Variants in GAP43 observed in about 807,000 individuals in gnomAD.
GAP43 encodes the protein growth associated protein 43, also known as neuromodulin.
Under a neutral mutation model 18.6 loss-of-function variants are expected in GAP43, and 6 were observed. That is an observed-to-expected ratio of 0.32 (90% confidence interval 0.18 to 0.64). The LOEUF is 0.64. Among genes scored for constraint, GAP43 ranks in the 30% least tolerant of loss-of-function variants. The pLI, the probability that GAP43 is intolerant of heterozygous loss-of-function variation, is 0.78. For synonymous variants in GAP43, 115 were observed against 111.4 expected, an observed-to-expected ratio of 1.03 and a Z score of -0.20; for missense variants, 292 against 295.5, an observed-to-expected ratio of 0.99 and a Z score of 0.09.
chr3:115,652,587 T>C (rs1299673953), intron 1 of GAP43, among the ~76,000 whole-genome samples: 2 of 151,982 alleles, frequency 1.3e-5, no homozygotes, highest in Non-Finnish European at 2.9e-5. Flanking sequence ...AGGTTCTTGC[T>C]CTTGCCCAGG....
At chr3:115,687,821 T>G (rs1371011637) in intron 2 of GAP43, among the ~76,000 whole-genome samples, 5 of 152,190 alleles carry the variant, frequency 3.3e-5, no homozygotes, top group African/African-American at 1.2e-4. Context: ...TCTTCAATCT[T>G]GGCAAGATTA....
chr3:115,683,131 G>GTGCA (rs1708978963), intron 2 of GAP43, among the ~76,000 whole-genome samples: 1 of 97,420 alleles, frequency 1.0e-5, no homozygotes, highest in Non-Finnish European at 2.3e-5. Flanking sequence ...ATGTGCGCGC[G>GTGCA]CGTGCGCGCG....
chr3:115,676,232 G>T lies in GAP43; in HGVS notation c.250G>T (p.Gly84Cys). 6.2e-7 allele frequency: 1 copy of T among 1,614,168 alleles called. No individual in the cohort carries two copies. Among genetic ancestry groups the T allele is most frequent in the South Asian group, 1.1e-5 (1 of 91,084 alleles). The change falls in exon 2 of 3, where the codon GGC becomes TGC. Residue 84 changes from glycine (G) to cysteine (C), a missense_variant. By Grantham distance (159) the Gly-to-Cys change is radical. Coordinates refer to ENST00000305124, the MANE Select transcript of GAP43 (RefSeq NM_002045.4). ...CGATGGGGTGGAGAAGAAGGGAGAAGGCACCACTACTGCCGAAGCAGCCCC... is the reference window on the plus strand; with the variant it reads ...CGATGGGGTGGAGAAGAAGGGAGAATGCACCACTACTGCCGAAGCAGCCCC... ...VADGVEKKGEGTTTAEAAPAT... is the reference protein window; with the variant it reads ...VADGVEKKGECTTTAEAAPAT...
chr3:115,712,153 G>GT (rs570347231), intron 2 of GAP43, among the ~76,000 whole-genome samples: 1 of 152,076 alleles, frequency 6.6e-6, no homozygotes, highest in Admixed American at 6.5e-5. Context: ...ATATCTCTGG[G>GT]TTTTTTCTCC....
At chr3:115,716,938 T>C (rs1417076981) in intron 2 of GAP43, among the ~76,000 whole-genome samples, 2 of 151,840 alleles carry the variant, frequency 1.3e-5, no homozygotes, top group Admixed American at 6.6e-5. Flanking sequence ...TAAAACCCTA[T>C]GGACTCTAGC....
intron 2 of GAP43, among the ~76,000 whole-genome samples, chr3:115,717,117 G>A (rs1294384427): frequency 1.3e-5 from 2 of 151,994 alleles, no homozygotes; most frequent in East Asian, 3.9e-4. Context: ...CCTGTAAAAT[G>A]AGGCTGTCCA....
intron 1 of GAP43, among the ~76,000 whole-genome samples, chr3:115,637,736 T>C (rs1223420518): frequency 1.3e-5 from 2 of 151,926 alleles, no homozygotes; most frequent in African/African-American, 2.4e-5. Context: ...TACTGTCTAC[T>C]GGAAATATTT....
intron 2 of GAP43, among the ~76,000 whole-genome samples, chr3:115,685,535 A>G (rs1428845579): frequency 6.6e-6 from 1 of 152,224 alleles, no homozygotes; most frequent in African/African-American, 2.4e-5. Context: ...CCATTCCTTA[A>G]TGCAAACATA....
chr3:115,636,523 A>G (rs1708332898), intron 1 of GAP43, among the ~76,000 whole-genome samples: 1 of 152,056 alleles, frequency 6.6e-6, no homozygotes, highest in African/African-American at 2.4e-5. Flanking sequence ...CCAGTTATAT[A>G]CCATCCTTGG....
At chr3:115,657,637 T>C (rs892211890) in intron 1 of GAP43, among the ~76,000 whole-genome samples, 2 of 152,140 alleles carry the variant, frequency 1.3e-5, no homozygotes, top group Non-Finnish European at 2.9e-5. Flanking sequence ...GTTAATAATC[T>C]TATGTGATGA....
intron 2 of GAP43, among the ~76,000 whole-genome samples, chr3:115,692,031 G>C (rs567261625): frequency 1.3e-5 from 2 of 152,152 alleles, no homozygotes; most frequent in Non-Finnish European, 2.9e-5. Flanking sequence ...GCTTCAGGAG[G>C]GTTCTTTCAT....
At chr3:115,645,364 C>T (rs1016704758) in intron 1 of GAP43, among the ~76,000 whole-genome samples, 1 of 151,970 alleles carries the variant, frequency 6.6e-6, no homozygotes, top group Admixed American at 6.6e-5. Flanking sequence ...TTAGCCTTCA[C>T]TTGAAGTAGT....
chr3:115,704,360 C>T (rs1178686115), intron 2 of GAP43, among the ~76,000 whole-genome samples: 1 of 151,964 alleles, frequency 6.6e-6, no homozygotes, highest in Non-Finnish European at 1.5e-5. Flanking sequence ...TTTCATTCTC[C>T]AGTAACTCTT....
intron 2 of GAP43, among the ~76,000 whole-genome samples, chr3:115,697,400 C>G (rs1159910096): frequency 6.6e-6 from 1 of 152,158 alleles, no homozygotes; most frequent in African/African-American, 2.4e-5. Context: ...CACATGTTTC[C>G]TCACCGTCCT....
chr3:115,657,767 G>C (rs1208585409), intron 1 of GAP43, among the ~76,000 whole-genome samples: 1 of 151,998 alleles, frequency 6.6e-6, no homozygotes, highest in African/African-American at 2.4e-5. Context: ...ATGTTGTCCA[G>C]GCTAGCCTCG....
chr3:115,638,294 G>C (rs1212522565), intron 1 of GAP43, among the ~76,000 whole-genome samples: 1 of 151,994 alleles, frequency 6.6e-6, no homozygotes, highest in Non-Finnish European at 1.5e-5. Flanking sequence ...CATTATCCAG[G>C]CTTTGCCTCC....
chr3:115,672,771 T>TCCTCTCCTCTCCTCTCCTCTCCTCTCCTC (rs1353872961), intron 1 of GAP43, among the ~76,000 whole-genome samples: 1 of 53,030 alleles, frequency 1.9e-5, no homozygotes, highest in Admixed American at 2.6e-4. Context: ...CTCCTCTCCT[T>TCCTCTCCTCTCCTCTCCTCTCCTCTCCTC]TCCTTTCCTT....
intron 1 of GAP43, among the ~76,000 whole-genome samples, chr3:115,627,403 C>T (rs1382984362): frequency 6.7e-6 from 1 of 149,078 alleles, no homozygotes. Context: ...ACTACAGAAA[C>T]CTCCTTTGAT....
intron 2 of GAP43, among the ~76,000 whole-genome samples, chr3:115,706,341 G>C (rs824356): frequency 0.38 from 57,738 of 151,950 alleles, 11,270 homozygotes; most frequent in South Asian, 0.48. Context: ...CTTAAGCCTG[G>C]AGAATTGCCA....
Sources: allele counts gnomAD v4.1 joint callset (sites outside exome capture counted in the v4.1 genomes callset), GRCh38; gene constraint gnomAD v4.1.1; transcripts MANE v1.5; gene names NCBI Gene and HGNC (gene_info 2026-07-23, HGNC 2026-07-21).